GRM1: variants seen among roughly 807,000 people sequenced by gnomAD.
GRM1 encodes the protein glutamate metabotropic receptor 1.
A neutral mutation model predicts 90.9 loss-of-function variants in GRM1; 33 were observed. The ratio of observed to expected loss-of-function variants is 0.36; its 90% CI spans 0.28 to 0.49. The LOEUF (loss-of-function observed/expected upper bound fraction) is 0.49. Among genes scored for constraint, GRM1 ranks in the 20% least tolerant of loss-of-function variants. The probability of loss-of-function intolerance (pLI) is 0.99; values close to 1 mark genes in which losing one functional copy is unlikely to be tolerated. For synonymous variants in GRM1, 700 were observed against 613.2 expected (o/e 1.14, Z -2.09); for missense variants, 1,190 against 1,534.3 (o/e 0.78, Z 3.75).
intron 2 of GRM1, among the ~76,000 whole-genome samples, chr6:146,176,005 A>C (rs567961507): frequency 1.3e-5 from 2 of 152,246 alleles, no homozygotes; most frequent in South Asian, 2.1e-4. Context: ...CTATCTCCTA[A>C]GTTATTCTGA....
At chr6:146,197,242 T>C (rs1388651963) in intron 2 of GRM1, among the ~76,000 whole-genome samples, 1 of 152,230 alleles carries the variant, frequency 6.6e-6, no homozygotes, top group African/African-American at 2.4e-5. Flanking sequence ...TTAATGCCAA[T>C]AGGGCTCTGT....
At chr6:146,397,096 T>C (rs1381414214) in intron 6 of GRM1, among the ~76,000 whole-genome samples, 1 of 152,148 alleles carries the variant, frequency 6.6e-6, no homozygotes, top group African/African-American at 2.4e-5. Context: ...TCTCCTGGAA[T>C]GTTATCAAAT....
At chr6:146,163,500 G>A (rs1208467791) in intron 2 of GRM1, among the ~76,000 whole-genome samples, 1 of 152,144 alleles carries the variant, frequency 6.6e-6, no homozygotes, top group Non-Finnish European at 1.5e-5. Flanking sequence ...CCCTTTCAAT[G>A]TACGGAGTAC....
At chr6:146,397,295 A>C (rs1055187328) in intron 6 of GRM1, among the ~76,000 whole-genome samples, 2 of 151,932 alleles carry the variant, frequency 1.3e-5, no homozygotes, top group Admixed American at 1.3e-4. Flanking sequence ...TAACACAGTG[A>C]AACCCCGTCT....
intron 1 of GRM1, among the ~76,000 whole-genome samples, chr6:146,127,869 G>A (rs1776254076): frequency 6.6e-6 from 1 of 152,164 alleles, no homozygotes; most frequent in African/African-American, 2.4e-5. Flanking sequence ...ATTGTGTAAT[G>A]TGAGCAGGGC....
chr6:146,370,971 A>T (rs943469952), intron 5 of GRM1, among the ~76,000 whole-genome samples: 3 of 152,112 alleles, frequency 2.0e-5, no homozygotes, highest in African/African-American at 7.2e-5. Context: ...GTAGTCCTAC[A>T]TTGTATGATA....
At chr6:146,427,176 G>A (rs1050209334) in intron 7 of GRM1, among the ~76,000 whole-genome samples, 9 of 152,016 alleles carry the variant, frequency 5.9e-5, no homozygotes, top group African/African-American at 1.9e-4. Flanking sequence ...CAAAAGTTTT[G>A]TGAGTCCCAC....
At position 146,207,891 on chromosome 6, in the gene GRM1, C is replaced by T. The variant is rs1223841588; in HGVS notation, c.950+48294C>T. 4.6e-5 allele frequency among the ~76,000 whole-genome samples: 7 copies of T among 152,232 alleles called. No individual in the cohort carries two copies. In the East Asian group the frequency reaches 5.8e-4, roughly 13 times the overall value. The stretch of plus-strand genomic sequence containing the variant: ...TTCCCTGAAGAGTTGTTGTAAAAGT[C>T]GCACCTAGTACATTCCATTCTTTGA... On this transcript the variant is annotated intron_variant, in intron 2 of 7. Transcript: ENST00000282753.
chr6:146,411,932 G>A (rs976418544), intron 7 of GRM1, among the ~76,000 whole-genome samples: 2 of 152,118 alleles, frequency 1.3e-5, no homozygotes, highest in African/African-American at 2.4e-5. Context: ...AGAAAACATT[G>A]GAAATGGCCA....
chr6:146,229,821 A>G lies in GRM1; in HGVS notation c.950+70224A>G, dbSNP rs547617957. On this transcript the variant is annotated intron_variant, in intron 2 of 7. Coordinates refer to ENST00000282753, the MANE Select transcript of GRM1 (RefSeq NM_001278064.2). ...ATGCTAAGACTTATATACACACTTA[A>G]TGAATAAACCCATTTAGTGCTCACA... Among the ~76,000 whole-genome samples, 3 of 152,314 alleles carry G rather than the reference A, an allele frequency of 2.0e-5. No homozygotes were observed. In the South Asian group the frequency reaches 6.2e-4, roughly 32 times the overall value.
intron 1 of GRM1, among the ~76,000 whole-genome samples, chr6:146,044,636 C>A (rs569641688): frequency 4.5e-4 from 69 of 152,060 alleles, no homozygotes; most frequent in African/African-American, 1.7e-3. Context: ...ATAAATTAAT[C>A]TTTGGCTAGA....
chr6:146,424,913 C>T (rs1778141886), intron 7 of GRM1, among the ~76,000 whole-genome samples: 1 of 152,146 alleles, frequency 6.6e-6, no homozygotes, highest in African/African-American at 2.4e-5. Context: ...TGATCATCTC[C>T]TTGCTAACAT....
intron 1 of GRM1, among the ~76,000 whole-genome samples, chr6:146,107,004 A>G (rs1415243550): frequency 6.6e-6 from 1 of 152,170 alleles, no homozygotes. Flanking sequence ...AGCATTTGAC[A>G]ATAGGATTAT....
intron 2 of GRM1, among the ~76,000 whole-genome samples, chr6:146,287,739 G>C (rs1355663257): frequency 2.6e-5 from 4 of 152,180 alleles, no homozygotes; most frequent in African/African-American, 9.7e-5. Context: ...AATAGAAGAA[G>C]AGGTCAGAGT....
chr6:146,215,749 A>G (rs1418172267), intron 2 of GRM1, among the ~76,000 whole-genome samples: 1 of 150,206 alleles, frequency 6.7e-6, no homozygotes, highest in Non-Finnish European at 1.5e-5. Context: ...CCTATTGTGT[A>G]TCCACAAACT....
rs189445684 is a variant in GRM1, at chr6:146,087,070, T to G, written c.700+56853T>G. 4.1e-4 allele frequency among the ~76,000 whole-genome samples: 63 copies of G among 152,220 alleles called. 1 individual carries two copies. Among genetic ancestry groups the G allele is most frequent in the Admixed American group, 3.7e-3 (57 of 15,284 alleles). On this transcript the variant is annotated intron_variant, in intron 1 of 7. Coordinates refer to ENST00000282753, the MANE Select transcript of GRM1 (RefSeq NM_001278064.2). ...ATGTTAAGTTTAAAGAAATCAACTT[T>G]CAAAATTTATGTTATCCAGTTTTTC...
chr6:146,293,733 T>G (rs927911963), intron 2 of GRM1, among the ~76,000 whole-genome samples: 2 of 151,836 alleles, frequency 1.3e-5, no homozygotes, highest in African/African-American at 4.8e-5. Context: ...AAATCTAGTA[T>G]TATTTTAGTG....
At chr6:146,371,304 G>A (rs984651687) in intron 5 of GRM1, among the ~76,000 whole-genome samples, 2 of 151,948 alleles carry the variant, frequency 1.3e-5, no homozygotes, top group African/African-American at 4.8e-5. Flanking sequence ...CTCTCCCACA[G>A]TTCTTTTTAC....
At chr6:146,410,430 A>G (rs1777518722) in intron 7 of GRM1, among the ~76,000 whole-genome samples, 1 of 152,210 alleles carries the variant, frequency 6.6e-6, no homozygotes, top group South Asian at 2.1e-4. Context: ...ACAATAAAAT[A>G]TGATTGTTAA....
Sources: allele counts gnomAD v4.1 joint callset (sites outside exome capture counted in the v4.1 genomes callset), GRCh38; gene constraint gnomAD v4.1.1; transcripts MANE v1.5; gene names NCBI Gene and HGNC (gene_info 2026-07-23, HGNC 2026-07-21).